Variants in GPR183 observed in about 807,000 individuals in gnomAD.
The protein encoded by GPR183 is G protein-coupled receptor 183.
In GPR183, 9 loss-of-function variants were observed where a neutral mutation model predicts 19.7. The observed-to-expected ratio is 0.46, with a 90% CI of 0.28 to 0.80. The LOEUF (loss-of-function observed/expected upper bound fraction) is 0.80, where lower values mean the gene tolerates loss of function less well. GPR183 is among the 30% of genes least tolerant of loss of function. The pLI is 0.13. For missense variants in GPR183, 368 were observed against 446.7 expected (o/e 0.82, Z 1.59); for synonymous variants, 160 against 155.1 (o/e 1.03, Z -0.24).
rs562764676 is a variant in GPR183 at position 99,298,939 on chromosome 13, G to C, written c.-18-2776C>G. On this transcript the variant is annotated intron_variant, in intron 1 of 1. Transcript: ENST00000376414. Reference sequence around the variant, plus strand: ...ATTTTTTTCTAAGTTCTTTGAAAATGTATTTTTTTCCAAAAATCTAAATGT... The same window carrying C: ...ATTTTTTTCTAAGTTCTTTGAAAATCTATTTTTTTCCAAAAATCTAAATGT... Among the ~76,000 whole-genome samples, 4 of 152,174 alleles carry C rather than the reference G, an allele frequency of 2.6e-5. No homozygotes were observed. In the East Asian group the frequency reaches 7.7e-4, roughly 29 times the overall value.
In GPR183 at chr13:99,295,822, C is replaced by A. The variant is rs377441012; in HGVS notation, c.324G>T (p.Ala108=). The A allele has an allele frequency of 4.4e-6, 7 of 1,608,226 alleles. No homozygotes were observed. Among genetic ancestry groups the A allele is most frequent in the Non-Finnish European group, 6.0e-6 (7 of 1,176,156 alleles). The stretch of plus-strand genomic sequence containing the variant: ...CATATGTGTTGATGTAAAACACTAG[C>A]GCAGTTATCCTACACAAGGCATCTC... The part of the protein sequence containing the change: ...RIGDALCRIT[A]LVFYINTYAG... Residue 108 remains alanine, a synonymous_variant, in exon 2 of 2, where the codon GCG becomes GCT. Transcript: ENST00000376414. This position sits in a 1 kb window ranked among gnomAD's most constrained non-coding sequence, Gnocchi z 4.1.
In GPR183 at chr13:99,295,404, G is replaced by T. The variant is rs1259242279; in HGVS notation, c.742C>A (p.Leu248Ile). 2.5e-6 allele frequency: 4 copies of T among 1,614,016 alleles called. No individual in the cohort carries two copies. The African/African-American group carries it at 4.0e-5, about 16-fold the overall frequency. Residue 248 changes from leucine (L) to isoleucine (I), a missense_variant, in exon 2 of 2, where the codon CTT (leucine) becomes ATT (isoleucine). Coordinates refer to ENST00000376414, the MANE Select transcript of GPR183 (RefSeq NM_004951.5). The surrounding 1 kb of genome is among the most constrained non-coding windows in gnomAD (Gnocchi z 4.1). ...VNKKALNTIILIIVVFVLCFT... is the reference protein window; with the variant it reads ...VNKKALNTIIIIIVVFVLCFT... ...CAGAGAACAAACACAACAATAATAA[G>T]AATAATTGTGTTGAGAGCCTTTTTG...
rs982260462 is a variant in GPR183 at position 99,304,058 on chromosome 13, G to T, written c.-19+3282C>A. ...GCTTCCCGCCAGGCTCTCAAACGGG[G>T]CCCATCCAACCCCAGGCAAACCACA... On this transcript the variant is annotated intron_variant, in intron 1 of 1. Transcript: ENST00000376414. Among the ~76,000 whole-genome samples, 6 of 152,218 alleles carry T rather than the reference G, an allele frequency of 3.9e-5. 1 individual carries two copies. Among genetic ancestry groups the T allele is most frequent in the Middle Eastern group, 3.4e-3 (1 of 294 alleles).
At chr13:99,304,498 G>A (rs767409790) in intron 1 of GPR183, among the ~76,000 whole-genome samples, 25 of 152,142 alleles carry the variant, frequency 1.6e-4, no homozygotes, top group Admixed American at 1.4e-3. Flanking sequence ...GTATCTCTAG[G>A]TGATGTATGA....
chr13:99,302,078 A>G (rs2044265187), intron 1 of GPR183, among the ~76,000 whole-genome samples: 1 of 152,192 alleles, frequency 6.6e-6, no homozygotes, highest in Admixed American at 6.5e-5. Context: ...CAGCTTATAC[A>G]GAGAGGTGAC....
At chr13:99,304,874 G>C (rs1167863834) in intron 1 of GPR183, among the ~76,000 whole-genome samples, 1 of 152,176 alleles carries the variant, frequency 6.6e-6, no homozygotes, top group African/African-American at 2.4e-5. Flanking sequence ...ATTATGGGTA[G>C]AAAACAAGTA....
In GPR183 at chr13:99,294,955, A is replaced by G. The variant is rs58716363; in HGVS notation, c.*105T>C. 840 of 1,315,922 alleles carry G rather than the reference A, an allele frequency of 6.4e-4. 9 individuals carry two copies. In the African/African-American group the frequency reaches 0.012, roughly 18 times the overall value. 81.5% of individuals were successfully genotyped at this position (1,315,922 alleles called of 1,614,324 possible). A position where few individuals can be genotyped will look rare whatever the true frequency, so the allele number is the denominator to read the frequency against. ...GGAAAGTGCCCAATGAAAGAAATAT[A>G]AAAGAATACTAATTGGAAGCTGAAC... On this transcript the variant is annotated 3_prime_UTR_variant, in exon 2 of 2. Coordinates refer to ENST00000376414, the MANE Select transcript of GPR183 (RefSeq NM_004951.5).
At chr13:99,296,770 G>A (rs1257423344) in intron 1 of GPR183, among the ~76,000 whole-genome samples, 1 of 151,994 alleles carries the variant, frequency 6.6e-6, no homozygotes, top group Non-Finnish European at 1.5e-5. Context: ...AGAAGAAGAC[G>A]ACGACCGCAA....
At chr13:99,303,580 G>T (rs777479807) in intron 1 of GPR183, among the ~76,000 whole-genome samples, 1 of 152,178 alleles carries the variant, frequency 6.6e-6, no homozygotes, top group Admixed American at 6.5e-5. Context: ...AAGATATTCT[G>T]TGTTTGTATC....
intron 1 of GPR183, among the ~76,000 whole-genome samples, chr13:99,302,595 A>G (rs2044271788): frequency 2.0e-5 from 3 of 152,198 alleles, no homozygotes; most frequent in Admixed American, 2.0e-4. Context: ...GCATTCAACT[A>G]GTGATTTTTC....
At chr13:99,297,609 T>G (rs924843127) in intron 1 of GPR183, among the ~76,000 whole-genome samples, 1 of 152,098 alleles carries the variant, frequency 6.6e-6, no homozygotes, top group Non-Finnish European at 1.5e-5. Flanking sequence ...TTAGTCATTA[T>G]AACCTAAATG....
At chr13:99,298,372 A>G (rs180831627) in intron 1 of GPR183, among the ~76,000 whole-genome samples, 193 of 152,312 alleles carry the variant, frequency 1.3e-3, no homozygotes, top group African/African-American at 4.4e-3. Context: ...AAGTTTGGAA[A>G]TGAAAAAATA....
Position 99,294,703 on chromosome 13 carries a change from C to A in GPR183, c.*357G>T. The A allele has an allele frequency of 6.0e-6, 1 of 166,028 alleles. No individual in the cohort carries two copies. Among genetic ancestry groups the A allele is most frequent in the Non-Finnish European group, 1.3e-5 (1 of 76,960 alleles). The allele number at this position is 166,028 out of a possible 1,614,324, so 10.3% of individuals were successfully genotyped here. ...TTTAAAAAGTATGTTACAGTATTAA[C>A]ATCTGGCAATATATAATCTATTCAG... is the stretch of plus-strand genomic sequence containing the variant. On this transcript the variant is annotated 3_prime_UTR_variant, in exon 2 of 2. Transcript: ENST00000376414.
intron 1 of GPR183, among the ~76,000 whole-genome samples, chr13:99,302,070 G>C (rs531176040): frequency 2.0e-5 from 3 of 152,274 alleles, no homozygotes; most frequent in South Asian, 2.1e-4. Flanking sequence ...TCTAGAGTCA[G>C]CTTATACAGA....
At position 99,294,879 on chromosome 13, in the gene GPR183, A is replaced by T; in HGVS notation, c.*181T>A. The T allele has an allele frequency of 1.8e-6, 1 of 551,258 alleles. No individual in the cohort carries two copies. Among genetic ancestry groups the T allele is most frequent in the Non-Finnish European group, 3.1e-6 (1 of 324,894 alleles). 34.1% of individuals were successfully genotyped at this position (551,258 alleles called of 1,614,324 possible). ...TTTATTTGCATTTTTATTGTGCTTT[A>T]TGTTGTTTGCTTTATGTTGTTCTCT... On this transcript the variant is annotated 3_prime_UTR_variant, in exon 2 of 2. Coordinates refer to ENST00000376414, the MANE Select transcript of GPR183 (RefSeq NM_004951.5).
chr13:99,302,149 A>G (rs2044266094), intron 1 of GPR183, among the ~76,000 whole-genome samples: 1 of 152,204 alleles, frequency 6.6e-6, no homozygotes, highest in Non-Finnish European at 1.5e-5. Context: ...TCACTTTCAA[A>G]AACAGCCAGG....
chr13:99,305,221 A>C (rs2044314740), intron 1 of GPR183, among the ~76,000 whole-genome samples: 1 of 152,216 alleles, frequency 6.6e-6, no homozygotes, highest in Non-Finnish European at 1.5e-5. Flanking sequence ...AAATATTTTT[A>C]TTCTTCTCTT....
At chr13:99,302,148 A>G (rs1185416839) in intron 1 of GPR183, among the ~76,000 whole-genome samples, 4 of 152,180 alleles carry the variant, frequency 2.6e-5, no homozygotes, top group African/African-American at 4.8e-5. Flanking sequence ...CTCACTTTCA[A>G]AAACAGCCAG....
At chr13:99,296,259 C>A in intron 1 of GPR183, 96 bp from the exon 2 acceptor site, 1 of 977,908 alleles carries the variant, frequency 1.0e-6, no homozygotes, top group Non-Finnish European at 1.4e-6. Context: ...TGTATCAAAG[C>A]AATCCAAACT....
Sources: allele counts gnomAD v4.1 joint callset (sites outside exome capture counted in the v4.1 genomes callset), GRCh38; gene constraint gnomAD v4.1.1; non-coding constraint Gnocchi (gnomAD v3.1); transcripts MANE v1.5; gene names NCBI Gene and HGNC (gene_info 2026-07-23, HGNC 2026-07-21).